Variants in DIDO1 observed in about 807,000 individuals in gnomAD.
DIDO1 encodes death-inducer obliterator 1.
A neutral mutation model predicts 99.4 loss-of-function variants in DIDO1; 16 were observed. The observed-to-expected ratio is 0.16, with a 90% CI of 0.11 to 0.24. The LOEUF is 0.24. Among genes scored for constraint, DIDO1 ranks in the 10% least tolerant of loss-of-function variants. DIDO1 has a pLI of 1.00. For synonymous variants in DIDO1, 1,366 were observed against 1,239.1 expected (o/e 1.10, Z -2.15); for missense variants, 2,996 against 3,014.0 (o/e 0.99, Z 0.14).
At chr20:62,909,352 A>G (rs1568866989) in intron 4 of DIDO1, among the ~76,000 whole-genome samples, 1 of 152,270 alleles carries the variant, frequency 6.6e-6, no homozygotes, top group Non-Finnish European at 1.5e-5. Flanking sequence ...CCGAGGAGCC[A>G]GCACCAGAAC....
chr20:62,889,834 G>A lies in DIDO1; in HGVS notation c.3541+1126C>T, dbSNP rs1439646050. Reference sequence around the variant, plus strand: ...GCACTAAAATAATTTAATGCACCACGCCAGCAAATATTTAACCCTGAAATT... The same window carrying A: ...GCACTAAAATAATTTAATGCACCACACCAGCAAATATTTAACCCTGAAATT... On this transcript the variant is annotated intron_variant, in intron 15 of 15. Coordinates refer to ENST00000395343, the MANE Select transcript of DIDO1 (RefSeq NM_001193369.2). 4.1e-6 allele frequency: 4 copies of A among 985,254 alleles called. No individual in the cohort carries two copies. The African/African-American group carries it at 5.2e-5, about 13-fold the overall frequency. 61.0% of individuals were successfully genotyped at this position (985,254 alleles called of 1,614,324 possible).
At chr20:62,926,800 T>C (rs2065265054), upstream of DIDO1, among the ~76,000 whole-genome samples, 1 of 152,236 alleles carries the variant, frequency 6.6e-6, no homozygotes. Context: ...ACGTGGATGC[T>C]AGCCCCGAGG....
Position 62,909,731 on chromosome 20 carries a change from T to C in DIDO1, c.1129A>G (p.Ser377Gly), listed in dbSNP as rs758240148. ...AAGATCTTGAGTTTCTTCTTGCCAC[T>C]TGGATTTGCAGCTTTCTCAATTCTA... is the stretch of plus-strand genomic sequence containing the variant. ...KGRIEKAANP[S>G]GKKKLKIFQP... The change falls in exon 4 of 16, where the codon AGT (serine) becomes GGT (glycine). Residue 377 changes from serine (S) to glycine (G), a missense_variant. Physicochemically the swap from Ser to Gly is moderately conservative, Grantham distance 56. Around this residue, in one of 5 missense-constraint regions of DIDO1, gnomAD observed 898 missense variants for 972.7 expected, o/e 0.92. Coordinates refer to ENST00000395343, the MANE Select transcript of DIDO1 (RefSeq NM_001193369.2). The C allele has an allele frequency of 9.9e-6, 16 of 1,613,738 alleles. No homozygotes were observed. The highest frequency in any genetic ancestry group is 1.4e-5 in the Non-Finnish European group (16 of 1,179,736).
rs1443373487 is a variant in DIDO1, at chr20:62,879,813, G to C, written c.6143C>G (p.Ser2048Cys). 6.2e-7 allele frequency: 1 copy of C among 1,610,134 alleles called. No homozygotes were observed. Among genetic ancestry groups the C allele is most frequent in the South Asian group, 1.1e-5 (1 of 90,998 alleles). ...TCCGGGCGCACTGGAGGAGAGCGCG[G>C]AGGGCGGCCCGGCCTCCTCCCAGCG... ...KDRWEEAGPP[S>C]ALSSSAPGQG... The change falls in exon 16 of 16, where the codon TCC (serine) becomes TGC (cysteine). Residue 2048 changes from serine to cysteine, a missense_variant. Ser to Cys is a moderately radical substitution (Grantham distance 112, BLOSUM62 -1). Around this residue, in one of 5 missense-constraint regions of DIDO1, gnomAD observed 1,562 missense variants for 1,412.6 expected, o/e 1.11. Transcript: ENST00000395343. This position sits in a 1 kb window ranked among gnomAD's most constrained non-coding sequence, Gnocchi z 6.3.
chr20:62,893,828 G>A lies in DIDO1; in HGVS notation c.2939C>T (p.Ala980Val). ...GCTGTCTGGGCGGGATGCTGCGGAG[G>A]CCACGGCTGTGCATGAACTGCTTGG... ...TAPSSSCTAV[A>V]SAASRPDSTH... The change falls in exon 12 of 16, where the codon GCC becomes GTC. Residue 980 changes from alanine to valine, a missense_variant. Ala to Val is a moderately conservative substitution (Grantham distance 64). Coordinates refer to ENST00000395343, the MANE Select transcript of DIDO1 (RefSeq NM_001193369.2). 6.2e-7 allele frequency: 1 copy of A among 1,614,056 alleles called. No individual in the cohort carries two copies. Among genetic ancestry groups the A allele is most frequent in the Non-Finnish European group, 8.5e-7 (1 of 1,180,036 alleles).
chr20:62,902,406 G>A (rs768767901), intron 6 of DIDO1, among the ~76,000 whole-genome samples: 4 of 152,176 alleles, frequency 2.6e-5, no homozygotes, highest in Non-Finnish European at 5.9e-5. Flanking sequence ...GAGATTGGTG[G>A]ACACGTAGAG....
Position 62,880,810 on chromosome 20 carries a change from C to T in DIDO1, c.5146G>A (p.Ala1716Thr). ...LHSAGRSSSPAGETEGDREPQ... is the reference protein window; with the variant it reads ...LHSAGRSSSPTGETEGDREPQ... ...TCTCTGTCCCCCTCTGTTTCACCTG[C>T]AGGGCTGCTGCTCCTTCCAGCAGAA... is the stretch of plus-strand genomic sequence containing the variant. Residue 1716 changes from alanine (A) to threonine (T), a missense_variant, in exon 16 of 16, where the codon GCA becomes ACA. Ala to Thr is a moderately conservative substitution (Grantham distance 58, BLOSUM62 0). Coordinates refer to ENST00000395343, the MANE Select transcript of DIDO1 (RefSeq NM_001193369.2). The T allele has an allele frequency of 6.2e-7, 1 of 1,612,766 alleles. No homozygotes were observed. The highest frequency in any genetic ancestry group is 1.3e-5 in the African/African-American group (1 of 75,024).
At chr20:62,892,731 GAA>G in intron 13 of DIDO1, 76 bp downstream of exon 13, 1 of 1,501,918 alleles carries the variant, frequency 6.7e-7, no homozygotes. Context: ...AATTAAGGGA[GAA>G]AGTCATGTGT....
At position 62,881,715 on chromosome 20, in the gene DIDO1, G is replaced by A. The variant is rs781676976; in HGVS notation, c.4241C>T (p.Pro1414Leu). ...TTCCCGCTCGGCTGCAGCTGCTTCA[G>A]GAGCCCTTTCCACCTCGTGGCGCCG... The part of the protein sequence containing the change: ...RGRRHEVERA[P>L]EAAAAEREEV... The change falls in exon 16 of 16, where the codon CCT becomes CTT. Residue 1414 changes from proline to leucine, a missense_variant. Transcript: ENST00000395343. The surrounding 1 kb of genome is among the most constrained non-coding windows in gnomAD (Gnocchi z 8.3). The A allele has an allele frequency of 1.1e-5, 17 of 1,612,980 alleles. No homozygotes were observed. The South Asian group carries it at 1.8e-4, about 17-fold the overall frequency.
Position 62,907,252 on chromosome 20 carries a change from T to A in DIDO1, c.1269A>T (p.Ala423=). Residue 423 remains alanine, a synonymous_variant, in exon 5 of 16, where the codon GCA becomes GCT. Transcript: ENST00000395343. ...CSNDCILKHA[A]ATMKFLSSGK... Reference sequence around the variant, plus strand: ...CTGAGCTTAGAAACTTCATTGTCGCTGCGGCGTGTTTGAGGATACAGTCAT... The same window carrying A: ...CTGAGCTTAGAAACTTCATTGTCGCAGCGGCGTGTTTGAGGATACAGTCAT... 1 of 1,614,248 alleles carries A rather than the reference T, an allele frequency of 6.2e-7. No homozygotes were observed. The highest frequency in any genetic ancestry group is 8.5e-7 in the Non-Finnish European group (1 of 1,180,054).
At chr20:62,925,064 T>C (rs1451292770) in intron 1 of DIDO1, among the ~76,000 whole-genome samples, 1 of 152,210 alleles carries the variant, frequency 6.6e-6, no homozygotes, top group Non-Finnish European at 1.5e-5. Flanking sequence ...ACTTCTGAGA[T>C]GTCTATGCCG....
rs1883846 is a variant in DIDO1, at chr20:62,894,671, T to G, written c.2437-123A>C. Reference sequence around the variant, plus strand: ...CCACGGGGGAGAAAAAAGGACCATCTAATACAAGGACTGAGGAATGCCACA... The same window carrying G: ...CCACGGGGGAGAAAAAAGGACCATCGAATACAAGGACTGAGGAATGCCACA... On this transcript the variant is annotated intron_variant, in intron 10 of 15. Transcript: ENST00000395343. This position sits in a 1 kb window ranked among gnomAD's most constrained non-coding sequence, Gnocchi z 4.4. 0.41 allele frequency: 587,032 copies of G among 1,423,068 alleles called. 129,596 individuals carry two copies. The highest frequency in any genetic ancestry group is 0.84 in the African/African-American group (58,813 of 69,850). The allele number at this position is 1,423,068 out of a possible 1,614,324, so 88.2% of individuals were successfully genotyped here. A position where few individuals can be genotyped will look rare whatever the true frequency, so the allele number is the denominator to read the frequency against.
chr20:62,910,953 C>G lies in DIDO1; in HGVS notation c.660G>C (p.Glu220Asp). 1.9e-6 allele frequency: 3 copies of G among 1,614,196 alleles called. No individual in the cohort carries two copies. The highest frequency in any genetic ancestry group is 2.5e-6 in the Non-Finnish European group (3 of 1,180,040). Residue 220 changes from glutamate to aspartate, a missense_variant, in exon 3 of 16, where the codon GAG (glutamate) becomes GAC (aspartate). Physicochemically the swap from Glu to Asp is conservative, Grantham distance 45. Around this residue, in one of 5 missense-constraint regions of DIDO1, gnomAD observed 388 missense variants for 376.6 expected, o/e 1.03. Transcript: ENST00000395343. ...CCTGGGACACAACCCCCTGATCGTTCTCGGGCTCCTGCTTACTGGGCAGGA... is the reference window on the plus strand; with the variant it reads ...CCTGGGACACAACCCCCTGATCGTTGTCGGGCTCCTGCTTACTGGGCAGGA... The part of the protein sequence containing the change: ...EGVLPSKQEP[E>D]NDQGVVSQAG...
At position 62,909,187 on chromosome 20, in the gene DIDO1, A is replaced by C. The variant is rs552583616; in HGVS notation, c.1161+512T>G. Among the ~76,000 whole-genome samples, 9 of 152,384 alleles carry C rather than the reference A, an allele frequency of 5.9e-5. No individual in the cohort carries two copies. In the East Asian group the frequency reaches 1.7e-3, roughly 29 times the overall value. On this transcript the variant is annotated intron_variant, in intron 4 of 15. Coordinates refer to ENST00000395343, the MANE Select transcript of DIDO1 (RefSeq NM_001193369.2). ...GAGGGACCAGAGTGAAAACACGCCAAGTCACACCTGCCCTGTGGGGACTGG... is the reference window on the plus strand; with the variant it reads ...GAGGGACCAGAGTGAAAACACGCCACGTCACACCTGCCCTGTGGGGACTGG...
chr20:62,926,370 G>T (rs987893826), intron 1 of DIDO1, 69 bp downstream of exon 1: 2 of 151,958 alleles, frequency 1.3e-5, no homozygotes, highest in African/African-American at 4.8e-5. Flanking sequence ...GCCCCGCCCC[G>T]CTCCCGAGGG....
intron 1 of DIDO1, among the ~76,000 whole-genome samples, chr20:62,920,598 C>T (rs1386398367): frequency 4.6e-5 from 7 of 152,226 alleles, no homozygotes; most frequent in Admixed American, 4.6e-4. Flanking sequence ...AGCTATTTTA[C>T]AACTCTTAGA....
Position 62,879,296 on chromosome 20 carries a change from GCT to G in DIDO1, c.6658_6659del (p.Ser2220ArgfsTer36), listed in dbSNP as rs2064154238. 6.3e-7 allele frequency: 1 copy of G among 1,577,764 alleles called. No individual in the cohort carries two copies. Among genetic ancestry groups the G allele is most frequent in the Non-Finnish European group, 8.6e-7 (1 of 1,164,364 alleles). ...AGGCCTCGGGCTTCGGGTCCCGAGC[GCT>G]CTCTTTGCTCTTGCTCCGGTCCTTG... ...DRKDRSKSKE[S>X]ARDPKPEASR... On this transcript the variant is annotated frameshift_variant, in exon 16 of 16. Coordinates refer to ENST00000395343, the MANE Select transcript of DIDO1 (RefSeq NM_001193369.2). LOFTEE classifies it low-confidence loss of function (END_TRUNC). The surrounding 1 kb of genome is among the most constrained non-coding windows in gnomAD (Gnocchi z 6.3).
intron 15 of DIDO1, chr20:62,887,977 G>A (rs2064324250): frequency 1.0e-6 from 1 of 985,508 alleles, no homozygotes; most frequent in South Asian, 4.7e-5. Flanking sequence ...GATATGCAAG[G>A]ACAAATGTCC....
chr20:62,909,916 A>G lies in DIDO1; in HGVS notation c.944T>C (p.Ile315Thr). 6.2e-7 allele frequency: 1 copy of G among 1,614,140 alleles called. No individual in the cohort carries two copies. The highest frequency in any genetic ancestry group is 8.5e-7 in the Non-Finnish European group (1 of 1,180,030). ...RLLERNGEDY[I>T]CPNCTILQVQ... is the part of the protein sequence containing the mutation. Reference sequence around the variant, plus strand: ...TTGCAGAATGGTGCAGTTTGGGCAGATATAGTCTTCCCCATTCCTTTCCAA... The same window carrying G: ...TTGCAGAATGGTGCAGTTTGGGCAGGTATAGTCTTCCCCATTCCTTTCCAA... The change falls in exon 4 of 16, where the codon ATC (isoleucine) becomes ACC (threonine). Residue 315 changes from isoleucine (I) to threonine (T), a missense_variant. By Grantham distance (89) the Ile-to-Thr change is moderately conservative. This residue lies in a region of DIDO1 where 898 missense variants were observed against 972.7 expected (regional missense o/e 0.92). Transcript: ENST00000395343.
Sources: gnomAD v4.1 joint callset for allele counts (sites outside exome capture counted in the v4.1 genomes callset) on GRCh38, gnomAD v4.1.1 for gene constraint, gnomAD v4.1.1 regional missense constraint, Gnocchi (gnomAD v3.1) non-coding constraint, MANE v1.5 for transcripts, NCBI Gene and HGNC (gene_info 2026-07-23, HGNC 2026-07-21) for gene names.